ADGRL2: variants seen among roughly 807,000 people sequenced by gnomAD.
ADGRL2 encodes the protein adhesion G protein-coupled receptor L2.
A neutral mutation model predicts 157.4 loss-of-function variants in ADGRL2; 44 were observed. The observed-to-expected ratio is 0.28, with a 90% CI of 0.22 to 0.36. The LOEUF (loss-of-function observed/expected upper bound fraction) is 0.36, where lower values mean the gene tolerates loss of function less well. Ranked by LOEUF, ADGRL2 falls within the 10% of genes least tolerant of loss-of-function variation. The probability of loss-of-function intolerance (pLI) is 1.00; values close to 1 mark genes in which losing one functional copy is unlikely to be tolerated. For synonymous variants in ADGRL2, 585 were observed against 624.7 expected (o/e 0.94, Z 0.95); for missense variants, 1,510 against 1,768.9 (o/e 0.85, Z 2.63).
intron 2 of ADGRL2, among the ~76,000 whole-genome samples, chr1:81,534,163 T>A (rs962824356): frequency 6.6e-6 from 1 of 152,196 alleles, no homozygotes; most frequent in East Asian, 1.9e-4. Flanking sequence ...TATTTACTAT[T>A]TATTTTTTAT....
chr1:81,625,244 C>T (rs1382209316), intron 3 of ADGRL2, among the ~76,000 whole-genome samples: 1 of 152,024 alleles, frequency 6.6e-6, no homozygotes, highest in African/African-American at 2.4e-5. Context: ...CCGCAAGAGA[C>T]ACATCACCTT....
At chr1:81,419,538 C>T (rs899869820) in intron 1 of ADGRL2, among the ~76,000 whole-genome samples, 4 of 152,114 alleles carry the variant, frequency 2.6e-5, no homozygotes, top group African/African-American at 7.2e-5. Flanking sequence ...TCATAGTTGC[C>T]TAATTATAAA....
chr1:81,676,758 C>T (rs369587328), intron 3 of ADGRL2, among the ~76,000 whole-genome samples: 1 of 151,964 alleles, frequency 6.6e-6, no homozygotes, highest in African/African-American at 2.4e-5. Context: ...GCGTTCTCAG[C>T]TCACTGCAAA....
At chr1:81,785,046 G>A (rs1006638629) in intron 2 of ADGRL2, among the ~76,000 whole-genome samples, 6 of 152,078 alleles carry the variant, frequency 3.9e-5, no homozygotes, top group African/African-American at 1.4e-4. Context: ...AAAAAAAAGA[G>A]AAAATTTCTA....
At chr1:81,972,006 A>C in intron 17 of ADGRL2, 88 bp downstream of exon 17, 1 of 764,600 alleles carries the variant, frequency 1.3e-6, no homozygotes, top group African/African-American at 1.8e-5. Context: ...TTGTTTGTTT[A>C]TCTATCTATA....
intron 2 of ADGRL2, among the ~76,000 whole-genome samples, chr1:81,477,104 C>G (rs797013076): frequency 1.3e-5 from 2 of 152,260 alleles, no homozygotes; most frequent in South Asian, 4.1e-4. Context: ...TGCCACTAAC[C>G]CACCCTGGAA....
Position 81,569,216 on chromosome 1 carries a change from T to C in ADGRL2, c.-247-11660T>C, listed in dbSNP as rs142195051. On this transcript the variant is annotated intron_variant, in intron 2 of 24. Transcript: ENST00000370721. ...GAAAGTCTCTTCATCCATTATCTCA[T>C]TGAATTCCTCACAAAAACACTGTGA... Among the ~76,000 whole-genome samples the C allele has an allele frequency of 2.3e-3, 348 of 152,228 alleles. 2 individuals carry two copies. Among genetic ancestry groups the C allele is most frequent in the African/African-American group, 7.8e-3 (323 of 41,560 alleles).
chr1:81,527,439 C>T (rs771117196), intron 2 of ADGRL2, among the ~76,000 whole-genome samples: 15 of 152,202 alleles, frequency 9.9e-5, no homozygotes, highest in African/African-American at 1.7e-4. Context: ...AAGTCGAGCA[C>T]GGTGGCTCAG....
intron 1 of ADGRL2, among the ~76,000 whole-genome samples, chr1:81,441,339 C>G (rs973530079): frequency 2.6e-5 from 4 of 152,170 alleles, no homozygotes; most frequent in African/African-American, 9.7e-5. Context: ...TACACTTCAT[C>G]TACCTAAATT....
intron 2 of ADGRL2, among the ~76,000 whole-genome samples, chr1:81,467,738 G>A (rs982853741): frequency 2.6e-5 from 4 of 152,084 alleles, no homozygotes; most frequent in Non-Finnish European, 5.9e-5. Context: ...TGATTGACAG[G>A]TTCAAACAGA....
chr1:81,987,118 ATATATTTATTGT>A (rs1663390180), intron 22 of ADGRL2, 89 bp downstream of exon 22: 2 of 1,475,006 alleles, frequency 1.4e-6, no homozygotes, highest in South Asian at 2.5e-5. Context: ...TCAAGTTGTC[ATATATTTATTGT>A]TACATTCTTA....
intron 1 of ADGRL2, among the ~76,000 whole-genome samples, chr1:81,819,998 G>A (rs575684747): frequency 6.6e-6 from 1 of 152,016 alleles, no homozygotes; most frequent in Non-Finnish European, 1.5e-5. Context: ...TGGTACGTGG[G>A]GAAATTTCCC....
intron 1 of ADGRL2, among the ~76,000 whole-genome samples, chr1:81,400,860 G>A (rs2076740587): frequency 6.6e-6 from 1 of 152,118 alleles, no homozygotes; most frequent in Non-Finnish European, 1.5e-5. Flanking sequence ...TTGGCCTTTA[G>A]GGTGTGATGT....
chr1:81,467,652 A>AGG (rs2078087649), intron 2 of ADGRL2, among the ~76,000 whole-genome samples: 2 of 152,030 alleles, frequency 1.3e-5, no homozygotes, highest in Admixed American at 6.6e-5. Flanking sequence ...ATGACCAATC[A>AGG]GTATTATTTT....
chr1:81,403,806 T>A (rs2076805665), intron 1 of ADGRL2, among the ~76,000 whole-genome samples: 1 of 151,146 alleles, frequency 6.6e-6, no homozygotes, highest in South Asian at 2.1e-4. Context: ...TTGATTTTTT[T>A]TTTTTTTTTG....
intron 2 of ADGRL2, among the ~76,000 whole-genome samples, chr1:81,448,890 CTT>C (rs1169155083): frequency 1.3e-5 from 2 of 152,066 alleles, no homozygotes; most frequent in Non-Finnish European, 2.9e-5. Context: ...ACACCCAAAA[CTT>C]TTCCACAACA....
At chr1:81,450,900 A>C (rs1185969307) in intron 2 of ADGRL2, among the ~76,000 whole-genome samples, 1 of 152,150 alleles carries the variant, frequency 6.6e-6, no homozygotes, top group African/African-American at 2.4e-5. Flanking sequence ...ATCTGACTGT[A>C]AGTTAGGTTG....
At chr1:81,325,383 C>G (rs1011591423) in intron 1 of ADGRL2, among the ~76,000 whole-genome samples, 1 of 152,138 alleles carries the variant, frequency 6.6e-6, no homozygotes, top group Non-Finnish European at 1.5e-5. Context: ...TTTTTCAACA[C>G]TATTGTGTTG....
intron 3 of ADGRL2, among the ~76,000 whole-genome samples, chr1:81,633,594 T>TTA (rs1557522625): frequency 2.3e-5 from 1 of 42,710 alleles, no homozygotes; most frequent in Non-Finnish European, 5.1e-5. Flanking sequence ...AGACTCTGTC[T>TTA]CAAAAAAAAA....
Sources: allele counts gnomAD v4.1 joint callset (sites outside exome capture counted in the v4.1 genomes callset), GRCh38; gene constraint gnomAD v4.1.1; transcripts MANE v1.5; gene names NCBI Gene and HGNC (gene_info 2026-07-23, HGNC 2026-07-21).